DPYD: variants seen among roughly 807,000 people sequenced by gnomAD.
The protein encoded by DPYD is dihydropyrimidine dehydrogenase.
Under a neutral mutation model 116.2 loss-of-function variants are expected in DPYD, and 109 were observed. That is an observed-to-expected ratio of 0.94 (90% CI 0.80 to 1.10). The LOEUF (loss-of-function observed/expected upper bound fraction) is 1.10. Ranked by LOEUF, DPYD falls within the 50% of genes least tolerant of loss-of-function variation. The pLI, the probability that DPYD is intolerant of heterozygous loss-of-function variation, is 0.00. For synonymous variants in DPYD, 440 were observed against 432.0 expected, an observed-to-expected ratio of 1.02 and a Z score of -0.23; for missense variants, 1,302 against 1,254.5, an observed-to-expected ratio of 1.04 and a Z score of -0.57.
intron 10 of DPYD, among the ~76,000 whole-genome samples, chr1:97,590,900 G>C (rs1654458791): frequency 1.3e-5 from 2 of 152,188 alleles, no homozygotes; most frequent in South Asian, 2.1e-4. Flanking sequence ...TTAAATCAGA[G>C]CTTGGCACTT....
chr1:97,747,314 C>T (rs1281436727), intron 3 of DPYD, among the ~76,000 whole-genome samples: 2 of 152,048 alleles, frequency 1.3e-5, no homozygotes, highest in Non-Finnish European at 2.9e-5. Context: ...TAATTTGATC[C>T]CTGTCACCTG....
chr1:97,371,103 A>G lies in DPYD; in HGVS notation c.2058+2458T>C, dbSNP rs142465927. Among the ~76,000 whole-genome samples, 431 of 152,246 alleles carry G rather than the reference A, an allele frequency of 2.8e-3. 3 individuals are homozygous for G. Among genetic ancestry groups the G allele is most frequent in the African/African-American group, 9.9e-3 (410 of 41,540 alleles). On this transcript the variant is annotated intron_variant, in intron 16 of 22. Transcript: ENST00000370192. Reference sequence around the variant, plus strand: ...ATGTATATATATCAGTGTTACATCTATATAATGTTGATTACACACAGGCAA... The same window carrying G: ...ATGTATATATATCAGTGTTACATCTGTATAATGTTGATTACACACAGGCAA...
At chr1:97,710,013 A>G (rs983815897) in intron 5 of DPYD, among the ~76,000 whole-genome samples, 2 of 151,856 alleles carry the variant, frequency 1.3e-5, no homozygotes, top group African/African-American at 4.8e-5. Context: ...ATTGTATTCT[A>G]CATACCTCAC....
At chr1:97,762,581 T>G (rs776288028) in intron 3 of DPYD, among the ~76,000 whole-genome samples, 12 of 152,164 alleles carry the variant, frequency 7.9e-5, no homozygotes, top group Non-Finnish European at 1.6e-4. Context: ...TAGATTTTGT[T>G]AAAACTTGAT....
chr1:97,490,781 A>AATT (rs1454696570), intron 13 of DPYD, among the ~76,000 whole-genome samples: 1 of 150,278 alleles, frequency 6.7e-6, no homozygotes, highest in Non-Finnish European at 1.5e-5. Flanking sequence ...TCTCTGAATA[A>AATT]ATTAAGATTC....
At chr1:97,588,671 T>C (rs1470346238) in intron 10 of DPYD, among the ~76,000 whole-genome samples, 1 of 152,142 alleles carries the variant, frequency 6.6e-6, no homozygotes, top group Non-Finnish European at 1.5e-5. Context: ...CCTCATCTTC[T>C]TAGAGGATAG....
At chr1:97,780,708 G>T (rs768390471) in intron 3 of DPYD, among the ~76,000 whole-genome samples, 1 of 152,092 alleles carries the variant, frequency 6.6e-6, no homozygotes, top group Non-Finnish European at 1.5e-5. Flanking sequence ...TCTTTTAACT[G>T]AAAAGAAGCC....
chr1:97,861,950 A>C (rs1471314779), intron 2 of DPYD, among the ~76,000 whole-genome samples: 1 of 151,998 alleles, frequency 6.6e-6, no homozygotes, highest in Non-Finnish European at 1.5e-5. Context: ...AGAAATGTAT[A>C]AATGTAAATA....
chr1:97,379,877 T>C (rs185216095), intron 15 of DPYD, among the ~76,000 whole-genome samples: 1 of 152,314 alleles, frequency 6.6e-6, no homozygotes, highest in Admixed American at 6.5e-5. Flanking sequence ...TTCTATCATC[T>C]TGTGAAATGA....
chr1:97,807,915 G>T (rs543333174), intron 3 of DPYD, among the ~76,000 whole-genome samples: 1 of 152,074 alleles, frequency 6.6e-6, no homozygotes, highest in South Asian at 2.1e-4. Context: ...TTGCACCTTT[G>T]TCAAAGACAA....
At position 97,907,274 on chromosome 1, in the gene DPYD, G is replaced by GT. The variant is rs558824927; in HGVS notation, c.39+13609dup. ...CTGCTGTGTTTAATTTTTAGTGTGG[G>GT]TTTTAAAAAATTATCTACCTGGTTC... On this transcript the variant is annotated intron_variant, in intron 1 of 22. Transcript: ENST00000370192. 5.5e-3 allele frequency among the ~76,000 whole-genome samples: 833 copies of GT among 152,138 alleles called. 11 individuals carry two copies. The highest frequency in any genetic ancestry group is 0.019 in the African/African-American group (782 of 41,522).
intron 18 of DPYD, among the ~76,000 whole-genome samples, chr1:97,260,905 G>A (rs532199069): frequency 7.2e-5 from 11 of 152,220 alleles, no homozygotes; most frequent in African/African-American, 2.6e-4. Flanking sequence ...AAAGTACATG[G>A]AGGCAGTAAG....
chr1:97,744,311 T>C (rs1173818104), intron 3 of DPYD, among the ~76,000 whole-genome samples: 1 of 152,044 alleles, frequency 6.6e-6, no homozygotes, highest in Non-Finnish European at 1.5e-5. Flanking sequence ...CATTTCATTC[T>C]TCACACATCT....
intron 11 of DPYD, among the ~76,000 whole-genome samples, chr1:97,561,775 T>C (rs1326411486): frequency 1.3e-5 from 2 of 152,162 alleles, no homozygotes; most frequent in African/African-American, 2.4e-5. Context: ...AACTCCCCCA[T>C]GTATTCATCC....
intron 10 of DPYD, among the ~76,000 whole-genome samples, chr1:97,574,263 C>T (rs902586752): frequency 7.2e-5 from 11 of 152,004 alleles, no homozygotes. Context: ...AGGTTTCTGA[C>T]CATAGTAGCC....
chr1:97,317,009 C>T (rs549714549), intron 16 of DPYD, among the ~76,000 whole-genome samples: 11 of 151,908 alleles, frequency 7.2e-5, no homozygotes, highest in Admixed American at 3.9e-4. Context: ...AAAAACTCTT[C>T]GAGAGCCATA....
chr1:97,086,588 A>T (rs1379873901), intron 21 of DPYD, among the ~76,000 whole-genome samples: 1 of 152,156 alleles, frequency 6.6e-6, no homozygotes, highest in East Asian at 1.9e-4. Context: ...TTCATATTTG[A>T]TTAGCATGTA....
chr1:97,423,599 G>C (rs1674701119), intron 14 of DPYD, among the ~76,000 whole-genome samples: 1 of 152,170 alleles, frequency 6.6e-6, no homozygotes, highest in East Asian at 1.9e-4. Context: ...GGAAGAATTT[G>C]GGGCATTGAG....
intron 16 of DPYD, among the ~76,000 whole-genome samples, chr1:97,371,890 A>G (rs1358143368): frequency 2.0e-5 from 3 of 152,194 alleles, no homozygotes; most frequent in Non-Finnish European, 2.9e-5. Flanking sequence ...TTTTTGGAAC[A>G]TGTGTTTTCC....
Sources: gnomAD v4.1 joint callset for allele counts (sites outside exome capture counted in the v4.1 genomes callset) on GRCh38, gnomAD v4.1.1 for gene constraint, MANE v1.5 for transcripts, NCBI Gene and HGNC (gene_info 2026-07-23, HGNC 2026-07-21) for gene names.